The following NAMPT variants were observed in gnomAD, a reference collection of about 807,000 sequenced individuals.
NAMPT encodes the protein nicotinamide phosphoribosyltransferase, also known as NAmPRTase.
In NAMPT, 7 loss-of-function variants were observed where a neutral mutation model predicts 58.7. That is an observed-to-expected ratio of 0.12 (90% CI 0.07 to 0.22). The LOEUF (loss-of-function observed/expected upper bound fraction) is 0.22, where lower values mean the gene tolerates loss of function less well. NAMPT is among the 10% of genes least tolerant of loss of function. The pLI, the probability that NAMPT is intolerant of heterozygous loss-of-function variation, is 1.00. For missense variants in NAMPT, 271 were observed against 567.9 expected (o/e 0.48, Z 5.31); for synonymous variants, 145 against 198.1 (o/e 0.73, Z 2.25).
intron 5 of NAMPT, 116 bp downstream of exon 5, chr7:106,269,038 T>G: frequency 1.0e-6 from 1 of 972,586 alleles, no homozygotes; most frequent in Non-Finnish European, 1.5e-6. Context: ...ATCTGTTGGT[T>G]GAATCTTTGG....
chr7:106,276,862 T>A, intron 2 of NAMPT, 161 bp downstream of exon 2: 1 of 621,450 alleles, frequency 1.6e-6, no homozygotes. Context: ...AAAAAAACCT[T>A]TTATTTCAGA....
chr7:106,259,878 C>CTTTT (rs78910620), intron 8 of NAMPT, among the ~76,000 whole-genome samples: 5,239 of 132,704 alleles, frequency 0.039, 161 homozygotes, highest in Middle Eastern at 0.11. Context: ...TCGAAACAAT[C>CTTTT]TTTTTTTTTT....
chr7:106,257,589 C>T (rs773917078), intron 8 of NAMPT, among the ~76,000 whole-genome samples: 2 of 151,520 alleles, frequency 1.3e-5, no homozygotes, highest in African/African-American at 2.4e-5. Context: ...TGTGACTGCA[C>T]CACTGCACTA....
At chr7:106,275,077 A>G (rs754601101) in intron 2 of NAMPT, 28 bp from the exon 3 acceptor site, 1 of 1,416,196 alleles carries the variant, frequency 7.1e-7, no homozygotes, top group South Asian at 1.2e-5. Context: ...TCCTGTTTAC[A>G]TTTCTAAAGG....
chr7:106,258,705 T>C (rs1358694666), intron 8 of NAMPT, among the ~76,000 whole-genome samples: 1 of 152,254 alleles, frequency 6.6e-6, no homozygotes. Context: ...GCAATAGCAT[T>C]ATGTCTTAAA....
At chr7:106,261,882 G>A (rs747249829) in intron 7 of NAMPT, among the ~76,000 whole-genome samples, 175 bp from the exon 8 acceptor site, 4 of 151,762 alleles carry the variant, frequency 2.6e-5, no homozygotes, top group Non-Finnish European at 5.9e-5. Context: ...TACTTTAAAG[G>A]GTTAAAGTAC....
intron 8 of NAMPT, among the ~76,000 whole-genome samples, chr7:106,256,684 T>C (rs886383856): frequency 6.6e-6 from 1 of 152,206 alleles, no homozygotes; most frequent in African/African-American, 2.4e-5. Flanking sequence ...ACTGCTCAAC[T>C]GTAGGCTACT....
chr7:106,260,568 C>T (rs1409925379), intron 8 of NAMPT, among the ~76,000 whole-genome samples: 1 of 152,182 alleles, frequency 6.6e-6, no homozygotes, highest in Non-Finnish European at 1.5e-5. Context: ...AGAACTTTTC[C>T]TTTGCATTCA....
chr7:106,285,683 C>T (rs565589086), upstream of NAMPT: 1 of 657,436 alleles, frequency 1.5e-6, no homozygotes, highest in Admixed American at 6.3e-5. Flanking sequence ...GATGCAGCGA[C>T]TCCGCTTTCC....
chr7:106,283,832 G>T (rs1277847260), intron 1 of NAMPT, among the ~76,000 whole-genome samples: 1 of 151,996 alleles, frequency 6.6e-6, no homozygotes, highest in Non-Finnish European at 1.5e-5. Flanking sequence ...TATCGGAGGA[G>T]GGCTAAAAAC....
At chr7:106,277,250 G>T in intron 1 of NAMPT, 71 bp from the exon 2 acceptor site, 1 of 1,294,766 alleles carries the variant, frequency 7.7e-7, no homozygotes, top group Non-Finnish European at 1.1e-6. Context: ...GAAAAGGCTT[G>T]AAGTTATTTC....
At chr7:106,267,876 A>AACAAAAAAAAAAC (rs1189395299) in intron 6 of NAMPT, among the ~76,000 whole-genome samples, 1 of 130,394 alleles carries the variant, frequency 7.7e-6, no homozygotes, top group Non-Finnish European at 1.7e-5. Flanking sequence ...AAAAAAAAAA[A>AACAAAAAAAAAAC]CAACCTGATT....
upstream of NAMPT, chr7:106,285,311 C>A (rs933954000): frequency 4.4e-5 from 24 of 542,988 alleles, no homozygotes; most frequent in Non-Finnish European, 5.2e-5. Context: ...GTGACCCGGG[C>A]GCTTACCTAA....
intron 4 of NAMPT, among the ~76,000 whole-genome samples, chr7:106,269,519 G>C (rs1792490558): frequency 6.6e-6 from 1 of 151,948 alleles, no homozygotes; most frequent in African/African-American, 2.4e-5. Flanking sequence ...AAGAAGATAA[G>C]CACACCAGGT....
At chr7:106,257,045 A>T (rs1792213569) in intron 8 of NAMPT, among the ~76,000 whole-genome samples, 1 of 151,894 alleles carries the variant, frequency 6.6e-6, no homozygotes, top group Non-Finnish European at 1.5e-5. Flanking sequence ...GCGTGGTGGC[A>T]CACGCCCGTA....
rs761011549 is a variant in NAMPT, at chr7:106,254,367, A to G, written c.1227T>C (p.Leu409=). The G allele has an allele frequency of 3.7e-6, 6 of 1,613,786 alleles. No individual in the cohort carries two copies. Among genetic ancestry groups the G allele is most frequent in the Middle Eastern group, 1.7e-4 (1 of 6,060 alleles). The change falls in exon 9 of 11, where the codon CTT becomes CTC. Residue 409 remains leucine, a synonymous_variant. Transcript: ENST00000222553. ...FKCSYVVTNG[L]GINVFKDPVA... ...AAGTAATTAAAAGGTGACATACCCC[A>G]AGGCCATTAGTTACAACATAGCTAC...
chr7:106,252,717 T>G (rs905984275), intron 10 of NAMPT, among the ~76,000 whole-genome samples: 1 of 152,146 alleles, frequency 6.6e-6, no homozygotes. Flanking sequence ...TCAAGTCACC[T>G]TGTTTTCACA....
At chr7:106,252,933 CA>C in intron 10 of NAMPT, 83 bp downstream of exon 10, 1 of 1,482,510 alleles carries the variant, frequency 6.7e-7, no homozygotes, top group Non-Finnish European at 9.1e-7. Context: ...TCCACAAAAA[CA>C]ATAACATAAA....
At chr7:106,251,985 C>T (rs10953502) in intron 10 of NAMPT, among the ~76,000 whole-genome samples, 83,595 of 143,604 alleles carry the variant, frequency 0.58, 24,427 homozygotes, top group East Asian at 0.89. Flanking sequence ...TCTAATATTT[C>T]TGTCATTGTG....
Sources: gnomAD v4.1 joint callset for allele counts (sites outside exome capture counted in the v4.1 genomes callset) on GRCh38, gnomAD v4.1.1 for gene constraint, MANE v1.5 for transcripts, NCBI Gene and HGNC (gene_info 2026-07-23, HGNC 2026-07-21) for gene names.